Variants in CNTNAP5 observed in about 807,000 individuals in gnomAD.
CNTNAP5 encodes the protein contactin associated protein family member 5, also known as contactin-associated protein-like 5.
A neutral mutation model predicts 150.2 loss-of-function variants in CNTNAP5; 72 were observed. That is an observed-to-expected ratio of 0.48 (90% CI 0.40 to 0.58). The LOEUF is 0.58. Among genes scored for constraint, CNTNAP5 ranks in the 20% least tolerant of loss-of-function variants. The pLI is 0.00. For missense variants in CNTNAP5, 1,636 were observed against 1,626.2 expected (o/e 1.01, Z -0.10); for synonymous variants, 672 against 619.8 (o/e 1.08, Z -1.25).
At chr2:124,177,240 G>A (rs895404783) in intron 1 of CNTNAP5, among the ~76,000 whole-genome samples, 14 of 152,092 alleles carry the variant, frequency 9.2e-5, no homozygotes, top group Admixed American at 2.6e-4. Flanking sequence ...TTGGGAAAAA[G>A]GGGTTTTAGC....
intron 13 of CNTNAP5, among the ~76,000 whole-genome samples, chr2:124,655,945 G>GAGAGAGAGAGAGAGAGAGAA (rs1553427800): frequency 1.8e-5 from 1 of 55,520 alleles, no homozygotes; most frequent in African/African-American, 7.5e-5. Flanking sequence ...GAGAGAGAGA[G>GAGAGAGAGAGAGAGAGAGAA]AGAAAGAAAG....
intron 3 of CNTNAP5, among the ~76,000 whole-genome samples, chr2:124,285,678 C>T (rs900193229): frequency 2.6e-5 from 4 of 151,870 alleles, no homozygotes; most frequent in African/African-American, 9.7e-5. Context: ...TGGCGTGTAC[C>T]TGTAGTCAGA....
At chr2:124,539,107 G>A (rs1427312971) in intron 10 of CNTNAP5, among the ~76,000 whole-genome samples, 1 of 152,208 alleles carries the variant, frequency 6.6e-6, no homozygotes, top group Non-Finnish European at 1.5e-5. Context: ...GACACAGTTG[G>A]AAGAGAGAAG....
intron 13 of CNTNAP5, among the ~76,000 whole-genome samples, chr2:124,723,962 TG>T (rs938958166): frequency 6.6e-6 from 1 of 151,900 alleles, no homozygotes; most frequent in Non-Finnish European, 1.5e-5. Flanking sequence ...TGGCAAAACA[TG>T]GTGAAATCCC....
chr2:124,227,760 C>T (rs1168143568), intron 2 of CNTNAP5, among the ~76,000 whole-genome samples: 3 of 149,750 alleles, frequency 2.0e-5, no homozygotes, highest in Non-Finnish European at 4.4e-5. Context: ...TATTCAGAGA[C>T]ATTTGGTGAG....
intron 1 of CNTNAP5, among the ~76,000 whole-genome samples, chr2:124,181,718 T>C (rs1337864888): frequency 6.6e-6 from 1 of 152,180 alleles, no homozygotes; most frequent in African/African-American, 2.4e-5. Flanking sequence ...AACTAACAAA[T>C]AGAAATCATG....
chr2:124,539,091 T>C (rs1010872140), intron 10 of CNTNAP5, among the ~76,000 whole-genome samples: 1 of 152,156 alleles, frequency 6.6e-6, no homozygotes, highest in African/African-American at 2.4e-5. Context: ...ATAAGCACCA[T>C]TTATAGACAC....
chr2:124,742,625 GACACAC>G (rs3042996), intron 13 of CNTNAP5, among the ~76,000 whole-genome samples: 51 of 148,150 alleles, frequency 3.4e-4, no homozygotes, highest in Admixed American at 8.8e-4. Flanking sequence ...TACACGCACA[GACACAC>G]ACACACACAC....
chr2:124,908,725 A>G (rs1170372058), intron 22 of CNTNAP5, among the ~76,000 whole-genome samples: 1 of 152,142 alleles, frequency 6.6e-6, no homozygotes, highest in African/African-American at 2.4e-5. Context: ...GTTGGCCTTG[A>G]AGACCTTTCA....
intron 19 of CNTNAP5, among the ~76,000 whole-genome samples, chr2:124,834,277 CT>C (rs1274502723): frequency 6.6e-6 from 1 of 152,150 alleles, no homozygotes; most frequent in Non-Finnish European, 1.5e-5. Context: ...TGTCTAGTAT[CT>C]TTAATAATAA....
At chr2:124,707,039 A>AAGAAGAAGGAGGAGG (rs1553433616) in intron 13 of CNTNAP5, among the ~76,000 whole-genome samples, 4 of 82,010 alleles carry the variant, frequency 4.9e-5, no homozygotes, top group Middle Eastern at 0.012. Context: ...GAAGAAGAAG[A>AAGAAGAAGGAGGAGG]AGGAGGAGGA....
chr2:124,913,967 G>A (rs1840205), intron 23 of CNTNAP5, 125 bp from the exon 24 acceptor site: 279,145 of 599,138 alleles, frequency 0.47, 67,921 homozygotes, highest in African/African-American at 0.55. Flanking sequence ...GCAGAGTTGC[G>A]TTTGTGTGAT....
At chr2:124,467,276 A>T (rs892691422) in intron 6 of CNTNAP5, among the ~76,000 whole-genome samples, 1 of 152,196 alleles carries the variant, frequency 6.6e-6, no homozygotes, top group Admixed American at 6.6e-5. Flanking sequence ...TGGTTTAACC[A>T]GCTATGCTGC....
intron 7 of CNTNAP5, among the ~76,000 whole-genome samples, chr2:124,495,309 G>T (rs1331661547): frequency 6.6e-6 from 1 of 152,172 alleles, no homozygotes; most frequent in African/African-American, 2.4e-5. Context: ...AGAAGTGAAA[G>T]TAGAGTGTCA....
intron 1 of CNTNAP5, among the ~76,000 whole-genome samples, chr2:124,178,690 T>A (rs1217810620): frequency 6.6e-6 from 1 of 152,152 alleles, no homozygotes; most frequent in Non-Finnish European, 1.5e-5. Context: ...AACTGAAGTG[T>A]TTTTGTTGTG....
chr2:124,912,012 T>C (rs578042048), intron 23 of CNTNAP5, among the ~76,000 whole-genome samples: 4 of 152,176 alleles, frequency 2.6e-5, no homozygotes, highest in Non-Finnish European at 4.4e-5. Context: ...GTTGCAAATC[T>C]CACTGCACAT....
At chr2:124,095,865 A>G (rs1682923293) in intron 1 of CNTNAP5, among the ~76,000 whole-genome samples, 1 of 152,044 alleles carries the variant, frequency 6.6e-6, no homozygotes, top group Non-Finnish European at 1.5e-5. Context: ...TTTAATCTTT[A>G]GTTAATCTTT....
chr2:124,494,714 A>G (rs1694107743), intron 7 of CNTNAP5, among the ~76,000 whole-genome samples: 2 of 152,246 alleles, frequency 1.3e-5, no homozygotes, highest in African/African-American at 4.8e-5. Flanking sequence ...AAATTATGCA[A>G]AAGTAGAAAT....
intron 8 of CNTNAP5, among the ~76,000 whole-genome samples, chr2:124,518,635 G>A (rs1315338702): frequency 6.6e-6 from 1 of 152,072 alleles, no homozygotes; most frequent in Non-Finnish European, 1.5e-5. Context: ...GTTCATAGCA[G>A]CATTATTCTT....
Sources: allele counts gnomAD v4.1 joint callset (sites outside exome capture counted in the v4.1 genomes callset), GRCh38; gene constraint gnomAD v4.1.1; transcripts MANE v1.5; gene names NCBI Gene and HGNC (gene_info 2026-07-23, HGNC 2026-07-21).